Variants in ROBO2 observed in about 807,000 individuals in gnomAD.
The protein encoded by ROBO2 is roundabout guidance receptor 2, also known as roundabout homolog 2.
In ROBO2, 53 loss-of-function variants were observed where a neutral mutation model predicts 160.8. That is an observed-to-expected ratio of 0.33 (90% CI 0.26 to 0.41). The LOEUF is 0.41. Among genes scored for constraint, ROBO2 ranks in the 10% least tolerant of loss-of-function variants. ROBO2 has a pLI of 1.00. For synonymous variants in ROBO2, 664 were observed against 611.7 expected (o/e 1.09, Z -1.26); for missense variants, 1,577 against 1,722.4 (o/e 0.92, Z 1.49).
rs2070927381 is a variant in ROBO2 at position 77,366,697 on chromosome 3, C to A, written c.389-110717C>A. ...ATTTGCCTCTGATAAGGGCATCAGT[C>A]TGCTTCCACTTATGGCAGAAGGCAA... On this transcript the variant is annotated intron_variant, in intron 2 of 25. Coordinates refer to ENST00000461745, the Ensembl canonical transcript of ROBO2. Among the ~76,000 whole-genome samples the A allele has an allele frequency of 2.0e-5, 3 of 152,062 alleles. No homozygotes were observed. The South Asian group carries it at 6.2e-4, about 32-fold the overall frequency.
At chr3:77,567,756 A>G (rs972017616) in intron 12 of ROBO2, among the ~76,000 whole-genome samples, 2 of 151,926 alleles carry the variant, frequency 1.3e-5, no homozygotes, top group African/African-American at 4.8e-5. Flanking sequence ...CCCCAACTCT[A>G]TTTACCTTTA....
intron 2 of ROBO2, among the ~76,000 whole-genome samples, chr3:76,394,909 C>A (rs1459094965): frequency 6.6e-6 from 1 of 152,084 alleles, no homozygotes; most frequent in African/African-American, 2.4e-5. Flanking sequence ...CAACATTAGA[C>A]AGATCAACGA....
intron 2 of ROBO2, among the ~76,000 whole-genome samples, chr3:76,307,139 G>C (rs1016281232): frequency 1.3e-5 from 2 of 152,166 alleles, no homozygotes; most frequent in African/African-American, 4.8e-5. Flanking sequence ...CCTGGAAGGG[G>C]ACAGGCTTTC....
chr3:77,209,308 C>G (rs377071217), intron 2 of ROBO2, among the ~76,000 whole-genome samples: 1 of 152,058 alleles, frequency 6.6e-6, no homozygotes, highest in East Asian at 1.9e-4. Context: ...TGCTGATTAT[C>G]AAAATATTTA....
intron 2 of ROBO2, among the ~76,000 whole-genome samples, chr3:77,312,865 C>G (rs2063666123): frequency 6.6e-6 from 1 of 152,170 alleles, no homozygotes; most frequent in Admixed American, 6.5e-5. Flanking sequence ...TCAGCACACA[C>G]ATTTTAAAAA....
At chr3:76,489,355 C>A (rs1474789485) in intron 2 of ROBO2, among the ~76,000 whole-genome samples, 2 of 151,996 alleles carry the variant, frequency 1.3e-5, no homozygotes, top group African/African-American at 4.8e-5. Context: ...AGGAAGGGCA[C>A]TCAACTAGAA....
intron 2 of ROBO2, among the ~76,000 whole-genome samples, chr3:77,215,443 G>A (rs905620971): frequency 6.6e-6 from 1 of 151,976 alleles, no homozygotes; most frequent in Non-Finnish European, 1.5e-5. Flanking sequence ...GGTCCTTTAA[G>A]GACTTCTCTG....
At chr3:76,639,797 A>G (rs1039860644) in intron 2 of ROBO2, among the ~76,000 whole-genome samples, 6 of 152,154 alleles carry the variant, frequency 3.9e-5, no homozygotes, top group Non-Finnish European at 7.3e-5. Context: ...CACCACATAA[A>G]TTGGACGAAA....
chr3:76,541,384 A>G (rs923997756), intron 2 of ROBO2, among the ~76,000 whole-genome samples: 3 of 152,242 alleles, frequency 2.0e-5, no homozygotes, highest in African/African-American at 7.2e-5. Context: ...ACATTTTCAA[A>G]TCTTGATTCC....
At chr3:77,272,653 G>A (rs2059575870) in intron 2 of ROBO2, among the ~76,000 whole-genome samples, 1 of 152,180 alleles carries the variant, frequency 6.6e-6, no homozygotes, top group East Asian at 1.9e-4. Context: ...TAAATGTAGG[G>A]TTCAAGTTAG....
At chr3:76,217,350 T>C (rs1056052990) in intron 2 of ROBO2, among the ~76,000 whole-genome samples, 6 of 151,922 alleles carry the variant, frequency 3.9e-5, no homozygotes, top group Admixed American at 1.3e-4. Context: ...ACAAAAAACC[T>C]TTCAAAAAAT....
intron 2 of ROBO2, among the ~76,000 whole-genome samples, chr3:77,112,975 T>G (rs983946709): frequency 2.0e-5 from 3 of 152,248 alleles, no homozygotes; most frequent in Admixed American, 2.0e-4. Context: ...GCCCTTTCAG[T>G]TGCAGAATAA....
chr3:76,168,347 A>T (rs959145200), intron 2 of ROBO2, among the ~76,000 whole-genome samples: 6 of 152,154 alleles, frequency 3.9e-5, no homozygotes, highest in African/African-American at 1.2e-4. Flanking sequence ...TGTTGAAAGA[A>T]TGTTTTTTAT....
intron 1 of ROBO2, among the ~76,000 whole-genome samples, chr3:77,052,829 G>T (rs1187963417): frequency 6.6e-6 from 1 of 152,082 alleles, no homozygotes; most frequent in African/African-American, 2.4e-5. Context: ...TAGCATTTTT[G>T]TTTGTTTGAT....
At chr3:76,700,747 A>AAAGG (rs1284372507) in intron 2 of ROBO2, among the ~76,000 whole-genome samples, 8 of 152,114 alleles carry the variant, frequency 5.3e-5, no homozygotes, top group Admixed American at 2.0e-4. Context: ...TAATAGTTCA[A>AAAGG]AAGGAAGCTT....
chr3:76,608,618 T>C (rs2087840768), intron 2 of ROBO2, among the ~76,000 whole-genome samples: 2 of 152,318 alleles, frequency 1.3e-5, no homozygotes, highest in African/African-American at 2.4e-5. Context: ...TTTCCTGTGC[T>C]TGTGGGGTAT....
intron 1 of ROBO2, among the ~76,000 whole-genome samples, chr3:77,046,817 T>G: frequency 6.6e-6 from 1 of 152,232 alleles, no homozygotes; most frequent in South Asian, 2.1e-4. Context: ...AACACATGCA[T>G]ATTGACAACA....
intron 5 of ROBO2, among the ~76,000 whole-genome samples, chr3:77,499,475 C>T (rs940964077): frequency 3.3e-5 from 5 of 152,036 alleles, no homozygotes; most frequent in African/African-American, 4.8e-5. Flanking sequence ...CTCAGTTTTA[C>T]AAATCCACCT....
chr3:77,028,494 T>C (rs867838279), intron 2 of ROBO2, among the ~76,000 whole-genome samples: 2 of 152,058 alleles, frequency 1.3e-5, no homozygotes, highest in African/African-American at 4.8e-5. Context: ...GGCAGGCGGA[T>C]CACCTGAGGT....
Sources: gnomAD v4.1 joint callset for allele counts (sites outside exome capture counted in the v4.1 genomes callset) on GRCh38, gnomAD v4.1.1 for gene constraint, MANE v1.5 for transcripts, NCBI Gene and HGNC (gene_info 2026-07-23, HGNC 2026-07-21) for gene names.